Variants in ALOX5 observed in about 807,000 individuals in gnomAD.
ALOX5 encodes arachidonate 5-lipoxygenase.
ALOX5 carries 64 observed loss-of-function variants against 87.9 expected under a neutral mutation model. That is an observed-to-expected ratio of 0.73 (90% CI 0.60 to 0.90). The LOEUF is 0.90. Among genes scored for constraint, ALOX5 ranks in the 40% least tolerant of loss-of-function variants. The pLI is 0.00. For synonymous variants in ALOX5, 388 were observed against 355.1 expected (o/e 1.09, Z -1.04); for missense variants, 822 against 907.5 (o/e 0.91, Z 1.21).
chr10:45,423,171 G>C (rs1039596653), intron 4 of ALOX5, among the ~76,000 whole-genome samples: 2 of 152,224 alleles, frequency 1.3e-5, no homozygotes, highest in African/African-American at 4.8e-5. Context: ...CCAGCCTGAA[G>C]GAAACAGATG....
chr10:45,443,332 C>A, intron 10 of ALOX5, 84 bp from the exon 11 acceptor site: 1 of 1,585,190 alleles, frequency 6.3e-7, no homozygotes, highest in South Asian at 1.1e-5. Flanking sequence ...TGGGGGAGTC[C>A]CAGCGTCCGT....
At chr10:45,384,102 A>G (rs1839933656) in intron 2 of ALOX5, among the ~76,000 whole-genome samples, 1 of 152,164 alleles carries the variant, frequency 6.6e-6, no homozygotes, top group Non-Finnish European at 1.5e-5. Flanking sequence ...GGCCATCAGC[A>G]CCACTAGTCC....
At chr10:45,445,183 G>A (rs1842397625) in intron 13 of ALOX5, among the ~76,000 whole-genome samples, 1 of 152,216 alleles carries the variant, frequency 6.6e-6, no homozygotes, top group African/African-American at 2.4e-5. Flanking sequence ...GGTGGCCCAA[G>A]ACAGCAGGAT....
chr10:45,410,591 A>G (rs1460765073), intron 3 of ALOX5, among the ~76,000 whole-genome samples: 1 of 152,216 alleles, frequency 6.6e-6, no homozygotes, highest in East Asian at 1.9e-4. Context: ...GGGAAAGTCA[A>G]AGCACAAGAT....
chr10:45,445,417 A>C, intron 13 of ALOX5, 91 bp from the exon 14 acceptor site: 1 of 1,473,474 alleles, frequency 6.8e-7, no homozygotes, highest in Non-Finnish European at 9.2e-7. Flanking sequence ...TCATCTCCCA[A>C]ACGGTGGCTG....
At chr10:45,422,854 G>A (rs1325106940) in intron 4 of ALOX5, among the ~76,000 whole-genome samples, 4 of 152,198 alleles carry the variant, frequency 2.6e-5, no homozygotes, top group Non-Finnish European at 4.4e-5. Context: ...TCCAAGATTA[G>A]GGTGCCAGCC....
chr10:45,400,153 T>C (rs1242985545), intron 3 of ALOX5, among the ~76,000 whole-genome samples: 1 of 152,154 alleles, frequency 6.6e-6, no homozygotes, highest in Non-Finnish European at 1.5e-5. Flanking sequence ...CCAAGAATAT[T>C]GAAACCACAT....
chr10:45,428,256 CCG>C, intron 6 of ALOX5: 2 of 257,352 alleles, frequency 7.8e-6, no homozygotes, highest in Non-Finnish European at 1.5e-5. Flanking sequence ...TGTGTAGAGT[CCG>C]GCAGCATCAT....
chr10:45,416,826 G>A (rs1168679284), intron 4 of ALOX5, among the ~76,000 whole-genome samples: 1 of 146,722 alleles, frequency 6.8e-6, no homozygotes, highest in Non-Finnish European at 1.5e-5. Context: ...TGGATGGATG[G>A]ATGGATGACA....
Position 45,395,930 on chromosome 10 carries a change from A to G in ALOX5, c.425A>G (p.Gln142Arg). ...AAAGAACTGGAAACACGGCAAAAACAATATCGGTGAGTTATGACATCAGAT... is the reference window on the plus strand; with the variant it reads ...AAAGAACTGGAAACACGGCAAAAACGATATCGGTGAGTTATGACATCAGAT... ...RRKELETRQK[Q>R]YRWMEWNPGF... The change falls in exon 3 of 14, where the codon CAA becomes CGA. Residue 142 changes from glutamine to arginine, a missense_variant. By Grantham distance (43) the Gln-to-Arg change is conservative. Transcript: ENST00000374391. 2.5e-6 allele frequency: 4 copies of G among 1,614,216 alleles called. No individual in the cohort carries two copies. Among genetic ancestry groups the G allele is most frequent in the Non-Finnish European group, 3.4e-6 (4 of 1,180,020 alleles).
chr10:45,433,379 C>T (rs1589041570), intron 7 of ALOX5, among the ~76,000 whole-genome samples: 1 of 152,158 alleles, frequency 6.6e-6, no homozygotes, highest in Non-Finnish European at 1.5e-5. Flanking sequence ...GCTGTCGTGG[C>T]GAGGACAGTT....
chr10:45,394,701 A>C (rs1322095468), intron 2 of ALOX5, among the ~76,000 whole-genome samples: 1 of 152,200 alleles, frequency 6.6e-6, no homozygotes, highest in Non-Finnish European at 1.5e-5. Flanking sequence ...TTTGCAATCT[A>C]CTCATCTGAC....
At chr10:45,418,280 C>G (rs1841367815) in intron 4 of ALOX5, among the ~76,000 whole-genome samples, 1 of 152,016 alleles carries the variant, frequency 6.6e-6, no homozygotes, top group African/African-American at 2.4e-5. Flanking sequence ...GGAGAGGGCC[C>G]TGGGCCGGTG....
chr10:45,431,952 G>A (rs1167641560), intron 7 of ALOX5, among the ~76,000 whole-genome samples: 2 of 151,834 alleles, frequency 1.3e-5, no homozygotes, highest in Non-Finnish European at 2.9e-5. Flanking sequence ...AAAAATGTCA[G>A]TTCTACCAAA....
At chr10:45,390,708 T>A (rs1840188266) in intron 2 of ALOX5, among the ~76,000 whole-genome samples, 1 of 152,142 alleles carries the variant, frequency 6.6e-6, no homozygotes, top group African/African-American at 2.4e-5. Flanking sequence ...AGAGGGAAAT[T>A]TATAGCACTA....
At chr10:45,391,927 C>T (rs1363803004) in intron 2 of ALOX5, among the ~76,000 whole-genome samples, 19 of 150,650 alleles carry the variant, frequency 1.3e-4, no homozygotes, top group South Asian at 2.1e-4. Flanking sequence ...GCCCGGCAGC[C>T]GCCCCGTCTG....
intron 2 of ALOX5, among the ~76,000 whole-genome samples, chr10:45,393,836 G>A (rs954429837): frequency 6.6e-6 from 1 of 152,138 alleles, no homozygotes; most frequent in Non-Finnish European, 1.5e-5. Flanking sequence ...GCCAAATCAG[G>A]AGTGAACTCC....
chr10:45,433,621 A>G (rs1271246219), intron 7 of ALOX5, among the ~76,000 whole-genome samples: 1 of 152,158 alleles, frequency 6.6e-6, no homozygotes, highest in East Asian at 1.9e-4. Context: ...TAATCAATAC[A>G]TGGAGGGTAC....
intron 7 of ALOX5, among the ~76,000 whole-genome samples, chr10:45,436,207 G>C (rs969222262): frequency 2.0e-5 from 3 of 152,134 alleles, no homozygotes; most frequent in African/African-American, 7.2e-5. Flanking sequence ...TAGGTTGTCT[G>C]TTTACTTTGT....
Sources: gnomAD v4.1 joint callset for allele counts (sites outside exome capture counted in the v4.1 genomes callset) on GRCh38, gnomAD v4.1.1 for gene constraint, MANE v1.5 for transcripts, NCBI Gene and HGNC (gene_info 2026-07-23, HGNC 2026-07-21) for gene names.